The following EBF2 variants were observed in gnomAD, a reference collection of about 807,000 sequenced individuals.
EBF2 encodes the protein EBF transcription factor 2.
EBF2 carries 21 observed loss-of-function variants against 72.8 expected under a neutral mutation model. That is an observed-to-expected ratio of 0.29 (90% CI 0.20 to 0.42). The LOEUF is 0.42. EBF2 is among the 10% of genes least tolerant of loss of function. The pLI, the probability that EBF2 is intolerant of heterozygous loss-of-function variation, is 1.00. For missense variants in EBF2, 637 were observed against 731.2 expected (o/e 0.87, Z 1.49); for synonymous variants, 299 against 274.2 (o/e 1.09, Z -0.89).
chr8:25,933,625 CA>C (rs1403370234), intron 6 of EBF2, among the ~76,000 whole-genome samples: 1 of 152,138 alleles, frequency 6.6e-6, no homozygotes, highest in Non-Finnish European at 1.5e-5. Flanking sequence ...GCTTTATCTA[CA>C]AAAGATGTTC....
chr8:26,011,000 C>T (rs1238875011), intron 6 of EBF2, among the ~76,000 whole-genome samples: 1 of 152,064 alleles, frequency 6.6e-6, no homozygotes, highest in Non-Finnish European at 1.5e-5. Context: ...CACACACACA[C>T]ACACACACAC....
intron 11 of EBF2, 136 bp from the exon 12 acceptor site, chr8:25,861,510 G>T (rs1295747696): frequency 2.3e-5 from 19 of 833,876 alleles, no homozygotes; most frequent in Middle Eastern, 2.9e-4. Flanking sequence ...TCCTATATTT[G>T]GTTTGACAGG....
chr8:26,033,041 G>T (rs1438236250), intron 6 of EBF2, 44 bp downstream of exon 6: 1 of 1,579,302 alleles, frequency 6.3e-7, no homozygotes, highest in East Asian at 2.2e-5. Flanking sequence ...GGTTCATGAA[G>T]AAAAGGAACC....
At chr8:25,921,827 C>T (rs983715077) in intron 6 of EBF2, among the ~76,000 whole-genome samples, 3 of 152,306 alleles carry the variant, frequency 2.0e-5, no homozygotes, top group Admixed American at 6.5e-5. Context: ...TCAAACGAAA[C>T]GTCTCATGGG....
At chr8:26,039,228 T>C (rs756350213) in intron 5 of EBF2, among the ~76,000 whole-genome samples, 2 of 151,726 alleles carry the variant, frequency 1.3e-5, no homozygotes, top group Non-Finnish European at 2.9e-5. Flanking sequence ...TTTTTAAACT[T>C]TCTTCTAGTC....
chr8:26,041,879 A>T (rs1368469462), intron 2 of EBF2, among the ~76,000 whole-genome samples: 1 of 152,208 alleles, frequency 6.6e-6, no homozygotes, highest in African/African-American at 2.4e-5. Context: ...CTCGGTGCGC[A>T]GAGCCGGGAG....
intron 6 of EBF2, among the ~76,000 whole-genome samples, chr8:25,985,919 C>T (rs1234211262): frequency 1.5e-5 from 2 of 137,922 alleles, no homozygotes; most frequent in Non-Finnish European, 3.1e-5. Context: ...GGAGGATCAC[C>T]TGATCCTAGA....
At chr8:25,976,046 G>T (rs981862000) in intron 6 of EBF2, among the ~76,000 whole-genome samples, 1 of 152,086 alleles carries the variant, frequency 6.6e-6, no homozygotes, top group Non-Finnish European at 1.5e-5. Context: ...TGTAGAGTCA[G>T]ATTTACTCAT....
At chr8:25,995,486 C>G (rs553451544) in intron 6 of EBF2, among the ~76,000 whole-genome samples, 1 of 151,968 alleles carries the variant, frequency 6.6e-6, no homozygotes, top group Admixed American at 6.6e-5. Context: ...GTTAAGCTCT[C>G]GCATTAAAAA....
At chr8:25,906,837 C>G (rs967146908) in intron 7 of EBF2, among the ~76,000 whole-genome samples, 4 of 152,102 alleles carry the variant, frequency 2.6e-5, no homozygotes, top group African/African-American at 9.7e-5. Flanking sequence ...GAGAAAAAGT[C>G]TCCAACTTTT....
intron 14 of EBF2, among the ~76,000 whole-genome samples, chr8:25,854,676 TGAA>T (rs1366772201): frequency 3.9e-5 from 6 of 152,174 alleles, no homozygotes; most frequent in South Asian, 2.1e-4. Flanking sequence ...TTTTCTTTTC[TGAA>T]GAAGTAGAAA....
At chr8:25,975,379 T>C (rs1804252828) in intron 6 of EBF2, among the ~76,000 whole-genome samples, 1 of 152,242 alleles carries the variant, frequency 6.6e-6, no homozygotes, top group Non-Finnish European at 1.5e-5. Flanking sequence ...TAATGTAATG[T>C]AGACAGACAC....
chr8:26,039,925 G>A (rs867387715), intron 5 of EBF2, 103 bp downstream of exon 5: 14 of 1,264,586 alleles, frequency 1.1e-5, no homozygotes, highest in Non-Finnish European at 1.5e-5. Flanking sequence ...TCCCAGCTGC[G>A]AGCGCTCAGT....
chr8:25,883,220 A>G (rs1479465192), intron 10 of EBF2, among the ~76,000 whole-genome samples: 1 of 152,224 alleles, frequency 6.6e-6, no homozygotes, highest in African/African-American at 2.4e-5. Context: ...TGTGTTTCCA[A>G]GATCTGTCAA....
intron 6 of EBF2, among the ~76,000 whole-genome samples, chr8:25,938,609 C>A (rs1246391138): frequency 1.3e-5 from 2 of 152,024 alleles, no homozygotes; most frequent in East Asian, 1.9e-4. Context: ...AGGCATAATT[C>A]TTCATGCTTT....
At chr8:25,997,086 T>C (rs1804645296) in intron 6 of EBF2, among the ~76,000 whole-genome samples, 1 of 152,158 alleles carries the variant, frequency 6.6e-6, no homozygotes, top group Non-Finnish European at 1.5e-5. Flanking sequence ...TGGGTCACCA[T>C]GCAATCCTGG....
At chr8:25,936,761 G>A (rs977824477) in intron 6 of EBF2, among the ~76,000 whole-genome samples, 3 of 152,300 alleles carry the variant, frequency 2.0e-5, no homozygotes, top group African/African-American at 7.2e-5. Flanking sequence ...AATGATAACT[G>A]TGAATTTAAA....
At chr8:25,949,109 A>G (rs1382250730) in intron 6 of EBF2, among the ~76,000 whole-genome samples, 1 of 152,180 alleles carries the variant, frequency 6.6e-6, no homozygotes, top group Admixed American at 6.5e-5. Flanking sequence ...TACTATCTAC[A>G]CATTAACTTG....
At chr8:25,859,987 G>A (rs1802181808) in intron 13 of EBF2, among the ~76,000 whole-genome samples, 1 of 151,856 alleles carries the variant, frequency 6.6e-6, no homozygotes, top group African/African-American at 2.4e-5. Flanking sequence ...GAAGTGCTGG[G>A]ATTACAAGCG....
Sources: gnomAD v4.1 joint callset for allele counts (sites outside exome capture counted in the v4.1 genomes callset) on GRCh38, gnomAD v4.1.1 for gene constraint, MANE v1.5 for transcripts, NCBI Gene and HGNC (gene_info 2026-07-23, HGNC 2026-07-21) for gene names.